Variants in DIAPH2 observed in about 807,000 individuals in gnomAD.
DIAPH2 encodes the protein diaphanous related formin 2.
DIAPH2 carries 35 observed loss-of-function variants against 92.7 expected under a neutral mutation model. The ratio of observed to expected loss-of-function variants is 0.38; its 90% CI spans 0.29 to 0.50. DIAPH2 has a LOEUF of 0.50. Among genes scored for constraint, DIAPH2 ranks in the 20% least tolerant of loss-of-function variants. DIAPH2 has a pLI of 0.94. For synonymous variants in DIAPH2, 301 were observed against 280.4 expected, an observed-to-expected ratio of 1.07 and a Z score of -0.73; for missense variants, 701 against 819.5, an observed-to-expected ratio of 0.86 and a Z score of 1.77.
chrX:96,905,721 T>TA (rs1213005829), intron 5 of DIAPH2, among the ~76,000 whole-genome samples: 3 of 111,968 alleles, frequency 2.7e-5, no homozygotes, highest in Non-Finnish European at 3.8e-5. Context: ...ATACATGAAC[T>TA]AAAAATTCTC....
intron 26 of DIAPH2, among the ~76,000 whole-genome samples, chrX:97,458,262 A>C: frequency 9.5e-6 from 1 of 105,273 alleles, no homozygotes; most frequent in Non-Finnish European, 2.0e-5. Context: ...TGTAATTTTC[A>C]GGGGTTTTTT....
At chrX:97,114,574 G>T in intron 20 of DIAPH2, 152 bp from the exon 21 acceptor site, 1 of 490,935 alleles carries the variant, frequency 2.0e-6, no homozygotes, top group Non-Finnish European at 3.0e-6. Flanking sequence ...TATTTCTTTG[G>T]AATGTTTAAA....
intron 24 of DIAPH2, among the ~76,000 whole-genome samples, chrX:97,370,263 A>G (rs1435565267): frequency 9.0e-6 from 1 of 111,614 alleles, no homozygotes. Flanking sequence ...AGGACAGATA[A>G]ATTTTCAATG....
Position 96,990,193 on chromosome X carries a change from T to C in DIAPH2, c.2050+24986T>C, listed in dbSNP as rs1419638247. On this transcript the variant is annotated intron_variant, in intron 17 of 26. Coordinates refer to ENST00000324765, the MANE Select transcript of DIAPH2 (RefSeq NM_006729.5). ...GCTAAGCAGTAGAAAAAGCTATTTG[T>C]GCCAGGCTTGGAAGACCCCAGTCTT... 2.7e-5 allele frequency among the ~76,000 whole-genome samples: 3 copies of C among 112,291 alleles called. No individual in the cohort carries two copies. The East Asian group carries it at 8.4e-4, about 31-fold the overall frequency.
At position 96,881,810 on chromosome X, in the gene DIAPH2, A is replaced by G. The variant is rs1052138675; in HGVS notation, c.587+92A>G. Reference sequence around the variant, plus strand: ...TAATAAGTTTTGTTATTTAAACCTCAAGATTTCCTGACTAAAAATCTGATG... The same window carrying G: ...TAATAAGTTTTGTTATTTAAACCTCGAGATTTCCTGACTAAAAATCTGATG... On this transcript the variant is annotated intron_variant, in intron 5 of 26. Transcript: ENST00000324765. The G allele has an allele frequency of 7.0e-5, 67 of 951,727 alleles. No individual in the cohort carries two copies. The African/African-American group carries it at 1.3e-3, about 18-fold the overall frequency. 78.4% of individuals were successfully genotyped at this position (951,727 alleles called of 1,213,427 possible). A position where few individuals can be genotyped will look rare whatever the true frequency, so the allele number is the denominator to read the frequency against.
At position 97,596,084 on chromosome X, in the gene DIAPH2, C is replaced by T. The variant is rs753749773; in HGVS notation, c.3242-3169C>T. On this transcript the variant is annotated intron_variant, in intron 26 of 26. Coordinates refer to ENST00000324765, the MANE Select transcript of DIAPH2 (RefSeq NM_006729.5). ...AAGAATCTGTTAGCGCATGCATAGCCGGCTCTGGTAGATTTGGAAGGTCCA... is the reference window on the plus strand; with the variant it reads ...AAGAATCTGTTAGCGCATGCATAGCTGGCTCTGGTAGATTTGGAAGGTCCA... Among the ~76,000 whole-genome samples, 8 of 112,045 alleles carry T rather than the reference C, an allele frequency of 7.1e-5. No individual in the cohort carries two copies. In the East Asian group the frequency reaches 1.7e-3, roughly 23 times the overall value.
intron 4 of DIAPH2, among the ~76,000 whole-genome samples, chrX:96,808,136 C>A (rs974565505): frequency 1.8e-5 from 2 of 109,033 alleles, no homozygotes; most frequent in Admixed American, 2.0e-4. Context: ...TCTACCACTG[C>A]AGTTCCTAGG....
intron 22 of DIAPH2, among the ~76,000 whole-genome samples, chrX:97,197,281 C>G (rs986936484): frequency 9.0e-6 from 1 of 111,644 alleles, no homozygotes; most frequent in Non-Finnish European, 1.9e-5. Flanking sequence ...TAATTGTGTT[C>G]CCCATGAGAT....
intron 23 of DIAPH2, among the ~76,000 whole-genome samples, chrX:97,279,999 C>T (rs1191636192): frequency 2.7e-5 from 3 of 111,337 alleles, no homozygotes; most frequent in African/African-American, 9.8e-5. Context: ...TGTTTTTCTC[C>T]CTCCTGTACT....
chrX:97,066,735 A>G (rs899585939), intron 17 of DIAPH2, among the ~76,000 whole-genome samples: 2 of 112,305 alleles, frequency 1.8e-5, no homozygotes, highest in African/African-American at 6.5e-5. Flanking sequence ...GGTGACATTT[A>G]GCAGTGTTCA....
rs201295573 is a variant in DIAPH2, at chrX:96,885,050, A to G, written c.587+3332A>G. On this transcript the variant is annotated intron_variant, in intron 5 of 26. Coordinates refer to ENST00000324765, the MANE Select transcript of DIAPH2 (RefSeq NM_006729.5). ...ATTGATTATCTGACCGTTGAGGGCC[A>G]CATCTATCCCACTGTGGATCGGGAG... is the stretch of plus-strand genomic sequence containing the variant. The G allele has an allele frequency of 3.3e-6, 4 of 1,208,788 alleles. No homozygotes were observed. The African/African-American group carries it at 7.0e-5, about 21-fold the overall frequency.
intron 26 of DIAPH2, 52 bp from the exon 27 acceptor site, chrX:97,599,201 C>A (rs2071575604): frequency 1.1e-6 from 1 of 934,811 alleles, no homozygotes; most frequent in Non-Finnish European, 1.5e-6. Flanking sequence ...CATGTAATAG[C>A]AAAGATCTAA....
chrX:97,292,671 C>T (rs180924240), intron 23 of DIAPH2, among the ~76,000 whole-genome samples: 28 of 109,298 alleles, frequency 2.6e-4, no homozygotes, highest in South Asian at 4.1e-4. Flanking sequence ...CTCAGCCTCC[C>T]GAGTAGCTGG....
intron 25 of DIAPH2, among the ~76,000 whole-genome samples, chrX:97,415,615 A>G (rs935383608): frequency 6.7e-5 from 7 of 104,473 alleles, no homozygotes; most frequent in Non-Finnish European, 1.2e-4. Context: ...AGAAAACCAA[A>G]CACCGCATGT....
intron 4 of DIAPH2, among the ~76,000 whole-genome samples, chrX:96,788,007 G>A (rs1254795738): frequency 9.1e-6 from 1 of 109,371 alleles, no homozygotes; most frequent in Non-Finnish European, 1.9e-5. Flanking sequence ...ACCATGCCCG[G>A]CCCTAGAAAT....
intron 22 of DIAPH2, among the ~76,000 whole-genome samples, chrX:97,155,969 A>G (rs748276282): frequency 8.9e-6 from 1 of 112,298 alleles, no homozygotes; most frequent in Admixed American, 9.5e-5. Context: ...GATCAAATGT[A>G]TAGGAAACAA....
intron 22 of DIAPH2, among the ~76,000 whole-genome samples, chrX:97,165,291 A>G (rs910414421): frequency 1.8e-5 from 2 of 111,665 alleles, no homozygotes; most frequent in Non-Finnish European, 3.8e-5. Flanking sequence ...GTGGGGACCT[A>G]AAGGCTGAGT....
At chrX:97,381,532 C>T (rs1450409573) in intron 24 of DIAPH2, among the ~76,000 whole-genome samples, 2 of 111,471 alleles carry the variant, frequency 1.8e-5, no homozygotes, top group Non-Finnish European at 3.8e-5. Context: ...ATGAGACATA[C>T]TTCTACTAAC....
chrX:97,575,598 G>T (rs2071395503), intron 26 of DIAPH2, among the ~76,000 whole-genome samples: 2 of 111,717 alleles, frequency 1.8e-5, no homozygotes, highest in African/African-American at 6.5e-5. Flanking sequence ...ATCAAAGTTA[G>T]GATATATAAA....
Sources: allele counts gnomAD v4.1 joint callset (sites outside exome capture counted in the v4.1 genomes callset), GRCh38; gene constraint gnomAD v4.1.1; transcripts MANE v1.5; gene names NCBI Gene and HGNC (gene_info 2026-07-23, HGNC 2026-07-21).